The following KIF26B variants were observed in gnomAD, a reference collection of about 807,000 sequenced individuals.
KIF26B encodes kinesin family member 26B.
In KIF26B, 63 loss-of-function variants were observed where a neutral mutation model predicts 151.2. The observed-to-expected ratio is 0.42, with a 90% CI of 0.34 to 0.51. The LOEUF is 0.51. Among genes scored for constraint, KIF26B ranks in the 20% least tolerant of loss-of-function variants. The probability of loss-of-function intolerance (pLI) is 0.07; values close to 1 mark genes in which losing one functional copy is unlikely to be tolerated. For missense variants in KIF26B, 2,813 were observed against 2,913.6 expected (o/e 0.97, Z 0.79); for synonymous variants, 1,357 against 1,262.1 (o/e 1.08, Z -1.59).
At chr1:245,181,687 G>A (rs1668910556) in intron 2 of KIF26B, among the ~76,000 whole-genome samples, 1 of 152,048 alleles carries the variant, frequency 6.6e-6, no homozygotes, top group South Asian at 2.1e-4. Context: ...CATGTTTTTG[G>A]TTTATTCCTT....
In KIF26B at chr1:245,367,197, G is replaced by A. The variant is rs1341946432; in HGVS notation, c.829G>A (p.Ala277Thr). 2 of 1,608,936 alleles carry A rather than the reference G, an allele frequency of 1.2e-6. No individual in the cohort carries two copies. The highest frequency in any genetic ancestry group is 1.3e-5 in the African/African-American group (1 of 74,854). The change falls in exon 3 of 15, where the codon GCG becomes ACG. Residue 277 changes from alanine (A) to threonine (T), a missense_variant. Physicochemically the swap from Ala to Thr is moderately conservative, Grantham distance 58. Transcript: ENST00000407071. This position sits in a 1 kb window ranked among gnomAD's most constrained non-coding sequence, Gnocchi z 4.2. ...KPSSLGVSNG[A>T]EKKSGSPTHQ... ...CAGCAGCCTTGGGGTCAGCAATGGG[G>A]CGGAAAAGAAGAGCGGGTCCCCAAC...
chr1:245,484,123 C>T (rs12136713), intron 4 of KIF26B, among the ~76,000 whole-genome samples: 18,658 of 151,750 alleles, frequency 0.12, 1,746 homozygotes, highest in African/African-American at 0.24. Flanking sequence ...TTTCTGCTTA[C>T]ACCTCAAAGA....
chr1:245,590,916 A>AC (rs1393629577), intron 5 of KIF26B, among the ~76,000 whole-genome samples: 1 of 97,870 alleles, frequency 1.0e-5, no homozygotes, highest in Non-Finnish European at 2.0e-5. Context: ...AAAAAAAAGA[A>AC]AAAAAAAAAA....
At chr1:245,480,780 T>TAAA (rs57127912) in intron 4 of KIF26B, among the ~76,000 whole-genome samples, 1 of 143,408 alleles carries the variant, frequency 7.0e-6, no homozygotes, top group African/African-American at 2.5e-5. Flanking sequence ...TTTAAAATGT[T>TAAA]AAAAAAAAAA....
At chr1:245,607,140 A>G (rs946537107) in intron 6 of KIF26B, among the ~76,000 whole-genome samples, 5 of 151,732 alleles carry the variant, frequency 3.3e-5, no homozygotes, top group African/African-American at 1.2e-4. Flanking sequence ...GAGAAAGCAG[A>G]TATATATCAC....
intron 2 of KIF26B, among the ~76,000 whole-genome samples, chr1:245,331,763 T>A (rs1368270831): frequency 4.6e-5 from 7 of 152,338 alleles, no homozygotes; most frequent in African/African-American, 1.7e-4. Flanking sequence ...CAAAATGTGA[T>A]AGCGTACACT....
At chr1:245,309,827 A>C (rs1164065204) in intron 2 of KIF26B, among the ~76,000 whole-genome samples, 2 of 146,432 alleles carry the variant, frequency 1.4e-5, no homozygotes, top group East Asian at 3.9e-4. Context: ...TAGTTGTAAA[A>C]TTATAATATA....
intron 3 of KIF26B, among the ~76,000 whole-genome samples, chr1:245,392,616 T>A (rs1673726637): frequency 6.6e-6 from 1 of 152,122 alleles, no homozygotes; most frequent in African/African-American, 2.4e-5. Context: ...ATGTAACACA[T>A]CTCCCTCTCC....
At chr1:245,500,109 G>A (rs1444945933) in intron 4 of KIF26B, among the ~76,000 whole-genome samples, 1 of 152,218 alleles carries the variant, frequency 6.6e-6, no homozygotes, top group Admixed American at 6.5e-5. Context: ...CATATTCATT[G>A]TCTAAGCCCC....
intron 9 of KIF26B, among the ~76,000 whole-genome samples, chr1:245,637,820 G>T (rs551135580): frequency 1.3e-5 from 2 of 152,102 alleles, no homozygotes; most frequent in African/African-American, 4.8e-5. Context: ...TAAGTGCATA[G>T]ATTTATTTCT....
intron 2 of KIF26B, among the ~76,000 whole-genome samples, chr1:245,233,033 A>G (rs944990739): frequency 4.6e-5 from 7 of 152,204 alleles, no homozygotes; most frequent in Admixed American, 3.9e-4. Context: ...CCCTAATTGT[A>G]GGGTCTGTAG....
At chr1:245,392,062 G>GA (rs34473498) in intron 3 of KIF26B, among the ~76,000 whole-genome samples, 1,720 of 135,824 alleles carry the variant, frequency 0.013, 24 homozygotes, top group African/African-American at 0.039. Context: ...AAAGCAAATT[G>GA]AAAAAAAAAA....
At chr1:245,344,191 T>C (rs993504126) in intron 2 of KIF26B, among the ~76,000 whole-genome samples, 4 of 151,504 alleles carry the variant, frequency 2.6e-5, no homozygotes, top group African/African-American at 9.7e-5. Context: ...TATCTCTTTC[T>C]TTCCTTTTCT....
intron 2 of KIF26B, among the ~76,000 whole-genome samples, chr1:245,307,155 A>G (rs1034400070): frequency 6.6e-6 from 1 of 152,194 alleles, no homozygotes; most frequent in Non-Finnish European, 1.5e-5. Flanking sequence ...AAGATTCTTT[A>G]TCATCTACAT....
At position 245,686,232 on chromosome 1, in the gene KIF26B, C is replaced by T; in HGVS notation, c.3249C>T (p.Ser1083=). 1 of 1,612,766 alleles carries T rather than the reference C, an allele frequency of 6.2e-7. No individual in the cohort carries two copies. Among genetic ancestry groups the T allele is most frequent in the Non-Finnish European group, 8.5e-7 (1 of 1,179,898 alleles). ...LSKTSEYKPP[S]SPSQRCKVYT... is the part of the protein sequence containing the mutation. Reference sequence around the variant, plus strand: ...AGACCTCGGAGTACAAGCCACCCAGCTCTCCTTCCCAGAGATGCAAAGTCT... The same window carrying T: ...AGACCTCGGAGTACAAGCCACCCAGTTCTCCTTCCCAGAGATGCAAAGTCT... Residue 1083 remains serine (S), a synonymous_variant, in exon 12 of 15, where the codon AGC becomes AGT. Transcript: ENST00000407071. This position sits in a 1 kb window ranked among gnomAD's most constrained non-coding sequence, Gnocchi z 5.6.
chr1:245,680,665 A>G (rs1262938449), intron 10 of KIF26B, among the ~76,000 whole-genome samples: 2 of 152,150 alleles, frequency 1.3e-5, no homozygotes, highest in African/African-American at 4.8e-5. Context: ...ACGACGGGGA[A>G]CTTCAGAGTG....
chr1:245,657,041 T>C (rs1307472858), intron 10 of KIF26B, among the ~76,000 whole-genome samples: 1 of 152,342 alleles, frequency 6.6e-6, no homozygotes, highest in Non-Finnish European at 1.5e-5. Flanking sequence ...TAAGAGACTT[T>C]ATGATACTCT....
At chr1:245,162,011 A>G (rs12041414) in intron 2 of KIF26B, among the ~76,000 whole-genome samples, 126,959 of 152,172 alleles carry the variant, frequency 0.83, 54,373 homozygotes, top group South Asian at 0.94. Context: ...ACGTGCACCC[A>G]TTGGAGACCC....
Position 245,239,843 on chromosome 1 carries a change from T to G in KIF26B, c.465+83160T>G, listed in dbSNP as rs894954171. Among the ~76,000 whole-genome samples the G allele has an allele frequency of 4.6e-5, 7 of 152,142 alleles. No homozygotes were observed. Among genetic ancestry groups the G allele is most frequent in the African/African-American group, 1.7e-4 (7 of 41,420 alleles). On this transcript the variant is annotated intron_variant, in intron 2 of 14. Coordinates refer to ENST00000407071, the MANE Select transcript of KIF26B (RefSeq NM_018012.4). The surrounding 1 kb of genome is among the most constrained non-coding windows in gnomAD (Gnocchi z 4.3). ...TTTTAGTGTTTTTCCTTCCAAAAGTTGTCTTTCCTGACAGTGTATTTTTAT... is the reference window on the plus strand; with the variant it reads ...TTTTAGTGTTTTTCCTTCCAAAAGTGGTCTTTCCTGACAGTGTATTTTTAT...
Sources: gnomAD v4.1 joint callset for allele counts (sites outside exome capture counted in the v4.1 genomes callset) on GRCh38, gnomAD v4.1.1 for gene constraint, Gnocchi (gnomAD v3.1) non-coding constraint, MANE v1.5 for transcripts, NCBI Gene and HGNC (gene_info 2026-07-23, HGNC 2026-07-21) for gene names.